TERT: variants seen among roughly 807,000 people sequenced by gnomAD.
TERT encodes telomerase reverse transcriptase.
TERT carries 42 observed loss-of-function variants against 104.0 expected under a neutral mutation model. The observed-to-expected ratio is 0.40, with a 90% CI of 0.32 to 0.52. The LOEUF (loss-of-function observed/expected upper bound fraction) is 0.52. TERT is among the 20% of genes least tolerant of loss of function. The probability of loss-of-function intolerance (pLI) is 0.43; values close to 1 mark genes in which losing one functional copy is unlikely to be tolerated. For missense variants in TERT, 1,101 were observed against 1,610.3 expected, an observed-to-expected ratio of 0.68 and a Z score of 5.41; for synonymous variants, 781 against 725.6, an observed-to-expected ratio of 1.08 and a Z score of -1.23.
chr5:1,287,508 A>ATAT lies in TERT; in HGVS notation c.1574-4885_1574-4884insATA, dbSNP rs1554041995. 7.4e-3 allele frequency among the ~76,000 whole-genome samples: 1,035 copies of ATAT among 140,668 alleles called. 8 individuals carry two copies. Among genetic ancestry groups the ATAT allele is most frequent in the Middle Eastern group, 0.018 (5 of 272 alleles). The allele number at this position is 140,668 out of a possible 152,430, so 92.3% of individuals were successfully genotyped here. A position where few individuals can be genotyped will look rare whatever the true frequency, so the allele number is the denominator to read the frequency against. Reference sequence around the variant, plus strand: ...CCAAGACTCTGTCTCAAAAAAAAAAAATATATATATATATATATAAATTAA... The same window carrying ATAT: ...CCAAGACTCTGTCTCAAAAAAAAAAATATATATATATATATATATATAAATTAA... On this transcript the variant is annotated intron_variant, in intron 2 of 15. Coordinates refer to ENST00000310581, the MANE Select transcript of TERT (RefSeq NM_198253.3). This position sits in a 1 kb window ranked among gnomAD's most constrained non-coding sequence, Gnocchi z 4.3.
Position 1,256,790 on chromosome 5 carries a change from G to A in TERT, c.3033-1379C>T, listed in dbSNP as rs1747771646. On this transcript the variant is annotated intron_variant, in intron 13 of 15. Transcript: ENST00000310581. The surrounding 1 kb of genome is among the most constrained non-coding windows in gnomAD (Gnocchi z 7.0). ...ACACGGCCACGCTCCTGACCCAGGA[G>A]GGAAACACCTAGCATGGGTGAGGGG... Among the ~76,000 whole-genome samples, 2 of 152,242 alleles carry A rather than the reference G, an allele frequency of 1.3e-5. No homozygotes were observed. Among genetic ancestry groups the A allele is most frequent in the African/African-American group, 4.8e-5 (2 of 41,472 alleles).
intron 12 of TERT, 143 bp downstream of exon 12, chr5:1,260,331 C>T: frequency 7.6e-7 from 1 of 1,316,188 alleles, no homozygotes; most frequent in Non-Finnish European, 1.1e-6. Flanking sequence ...CATGTATGTG[C>T]TCACGTGTAT....
In TERT at chr5:1,294,262, C is replaced by T. The variant is rs773987859; in HGVS notation, c.624G>A (p.Arg208=). 1 of 1,592,684 alleles carries T rather than the reference C, an allele frequency of 6.3e-7. No individual in the cohort carries two copies. Among genetic ancestry groups the T allele is most frequent in the Non-Finnish European group, 8.5e-7 (1 of 1,175,768 alleles). The part of the protein sequence containing the change: ...GCERAWNHSV[R]EAGVPLGLPA... ...GCAGGCCCAGGGGGACCCCGGCCTCCCTGACGCTATGGTTCCAGGCCCGTT... is the reference window on the plus strand; with the variant it reads ...GCAGGCCCAGGGGGACCCCGGCCTCTCTGACGCTATGGTTCCAGGCCCGTT... Residue 208 remains arginine (R), a synonymous_variant, in exon 2 of 16, where the codon AGG becomes AGA. Transcript: ENST00000310581.
In TERT at chr5:1,294,096, C is replaced by T. The variant is rs1751203712; in HGVS notation, c.790G>A (p.Gly264Arg). Residue 264 changes from glycine (G) to arginine (R), a missense_variant, in exon 2 of 16, where the codon GGA becomes AGA. Physicochemically the swap from Gly to Arg is moderately radical, Grantham distance 125. Transcript: ENST00000310581. ...ACACAGAAACCACGGTCACTCGGTC[C>T]ACGCGTCCTGCCCGGGTGGGCCCAG... ...GSWAHPGRTR[G>R]PSDRGFCVVS... 6.3e-7 allele frequency: 1 copy of T among 1,588,878 alleles called. No homozygotes were observed. Among genetic ancestry groups the T allele is most frequent in the African/African-American group, 1.3e-5 (1 of 74,296 alleles).
chr5:1,293,929 C>G lies in TERT; in HGVS notation c.957G>C (p.Thr319=), dbSNP rs1018341020. 3.9e-6 allele frequency: 6 copies of G among 1,543,570 alleles called. No individual in the cohort carries two copies. Among genetic ancestry groups the G allele is most frequent in the Non-Finnish European group, 5.2e-6 (6 of 1,147,648 alleles). The stretch of plus-strand genomic sequence containing the variant: ...TCTCGGCGTACACCGGGGGACAAGG[C>G]GTGTCCCAGGGACGTGGTGGCCGCG... The part of the protein sequence containing the change: ...STSRPPRPWD[T]PCPPVYAETK... Residue 319 remains threonine, a synonymous_variant, in exon 2 of 16, where the codon ACG becomes ACC. Transcript: ENST00000310581.
In TERT at chr5:1,294,320, T is replaced by C. The variant is rs769638625; in HGVS notation, c.566A>G (p.His189Arg). ...CAGACGCCTTCGGGGTCCACTAGCG[T>C]GTGGCGGGGGCCGGGCCTGAGTGGC... is the stretch of plus-strand genomic sequence containing the variant. ...GAATQARPPP[H>R]ASGPRRRLGC... The change falls in exon 2 of 16, where the codon CAC becomes CGC. Residue 189 changes from histidine (H) to arginine (R), a missense_variant. Physicochemically the swap from His to Arg is conservative, Grantham distance 29. Around this residue, in one of 5 missense-constraint regions of TERT, gnomAD observed 504 missense variants for 544.6 expected, o/e 0.93. Transcript: ENST00000310581. The C allele has an allele frequency of 1.9e-6, 3 of 1,589,364 alleles. No homozygotes were observed. In the African/African-American group the frequency reaches 4.0e-5, roughly 21 times the overall value.
intron 2 of TERT, 35 bp from the exon 3 acceptor site, chr5:1,282,659 C>T (rs778577289): frequency 2.2e-5 from 36 of 1,610,470 alleles, no homozygotes; most frequent in Non-Finnish European, 4.2e-6. Flanking sequence ...TCCAGATCAC[C>T]GAGGGCCTGG....
At chr5:1,272,082 C>T (rs975914820) in intron 7 of TERT, 103 bp downstream of exon 7, 12 of 997,122 alleles carry the variant, frequency 1.2e-5, no homozygotes, top group Admixed American at 6.0e-5. Flanking sequence ...CCCCCCACTG[C>T]CCCCCAGGGC....
chr5:1,271,903 G>T (rs115324619), intron 7 of TERT, among the ~76,000 whole-genome samples: 1 of 152,228 alleles, frequency 6.6e-6, no homozygotes, highest in Non-Finnish European at 1.5e-5. Context: ...ATCAAAACTG[G>T]CAGAGAAGAC....
intron 2 of TERT, among the ~76,000 whole-genome samples, chr5:1,289,157 C>A (rs1750683726): frequency 2.0e-5 from 3 of 151,034 alleles, no homozygotes; most frequent in Admixed American, 1.3e-4. Flanking sequence ...CTGAGAGGGA[C>A]ACCCGGGGGC....
In TERT at chr5:1,293,942, C is replaced by T. The variant is rs1369958224; in HGVS notation, c.944G>A (p.Arg315His). ...AGPPSTSRPP[R>H]PWDTPCPPVY... The stretch of plus-strand genomic sequence containing the variant: ...CGGGGGACAAGGCGTGTCCCAGGGA[C>T]GTGGTGGCCGCGATGTGGATGGGGG... The change falls in exon 2 of 16, where the codon CGT becomes CAT. Residue 315 changes from arginine (R) to histidine (H), a missense_variant. By Grantham distance (29) the Arg-to-His change is conservative. Transcript: ENST00000310581. The T allele has an allele frequency of 3.9e-6, 6 of 1,545,832 alleles. No individual in the cohort carries two copies. The highest frequency in any genetic ancestry group is 1.7e-4 in the Middle Eastern group (1 of 6,018).
In TERT at chr5:1,293,868, G is replaced by T. The variant is rs1561213862; in HGVS notation, c.1018C>A (p.Gln340Lys). ...HFLYSSGDKE[Q>K]LRPSFLLSSL... is the part of the protein sequence containing the mutation. ...CTGAGTAGGAAGGAGGGCCGCAGCT[G>T]CTCCTTGTCGCCTGAGGAGTAGAGG... The change falls in exon 2 of 16, where the codon CAG becomes AAG. Residue 340 changes from glutamine to lysine, a missense_variant. This residue lies in a region of TERT where 504 missense variants were observed against 544.6 expected (regional missense o/e 0.93). Transcript: ENST00000310581. 6.5e-7 allele frequency: 1 copy of T among 1,545,002 alleles called. No homozygotes were observed. Among genetic ancestry groups the T allele is most frequent in the Non-Finnish European group, 8.7e-7 (1 of 1,146,982 alleles).
In TERT at chr5:1,260,936, C is replaced by T. The variant is rs34041736; in HGVS notation, c.2844-336G>A. Among the ~76,000 whole-genome samples the T allele has an allele frequency of 0.023, 3,565 of 152,310 alleles. 72 individuals carry two copies. Among genetic ancestry groups the T allele is most frequent in the Non-Finnish European group, 0.035 (2,386 of 68,022 alleles). On this transcript the variant is annotated intron_variant, in intron 11 of 15. Transcript: ENST00000310581. Reference sequence around the variant, plus strand: ...TAATAAACTGTGGAGCCCTGGCTCCCGGGCGTCCCTCGAGTGAACACAGGT... The same window carrying T: ...TAATAAACTGTGGAGCCCTGGCTCCTGGGCGTCCCTCGAGTGAACACAGGT...
At chr5:1,289,377 C>T (rs571103101) in intron 2 of TERT, among the ~76,000 whole-genome samples, 12 of 139,722 alleles carry the variant, frequency 8.6e-5, no homozygotes, top group Admixed American at 7.7e-4. Flanking sequence ...CACCCGGGGA[C>T]GGGGCCTCAC....
intron 6 of TERT, among the ~76,000 whole-genome samples, chr5:1,275,344 A>G (rs1749478184): frequency 6.6e-6 from 1 of 151,612 alleles, no homozygotes; most frequent in African/African-American, 2.4e-5. Context: ...AAACCACTCC[A>G]GCCTGGGCAA....
chr5:1,286,892 C>G lies in TERT; in HGVS notation c.1574-4268G>C, dbSNP rs1051499071. Among the ~76,000 whole-genome samples the G allele has an allele frequency of 6.6e-6, 1 of 151,886 alleles. No individual in the cohort carries two copies. The highest frequency in any genetic ancestry group is 1.5e-5 in the Non-Finnish European group (1 of 67,972). On this transcript the variant is annotated intron_variant, in intron 2 of 15. Coordinates refer to ENST00000310581, the MANE Select transcript of TERT (RefSeq NM_198253.3). The surrounding 1 kb of genome is among the most constrained non-coding windows in gnomAD (Gnocchi z 5.3). ...GACTGTCTCAATAAACAAAAGCAAA[C>G]AACGACAATAAAAAGATCAGGGGGT...
Position 1,262,703 on chromosome 5 carries a change from C to A in TERT, c.2843+1701G>T, listed in dbSNP as rs1321955843. 6.6e-6 allele frequency among the ~76,000 whole-genome samples: 1 copy of A among 152,250 alleles called. No individual in the cohort carries two copies. Among genetic ancestry groups the A allele is most frequent in the Non-Finnish European group, 1.5e-5 (1 of 68,038 alleles). ...TCCTGCACTAGCCTCTGTGGCTTTG[C>A]AATGTGTTTAGAGAGAACCCATTTT... On this transcript the variant is annotated intron_variant, in intron 11 of 15. Transcript: ENST00000310581. The surrounding 1 kb of genome is among the most constrained non-coding windows in gnomAD (Gnocchi z 5.6).
chr5:1,284,890 C>G (rs1750370812), intron 2 of TERT, among the ~76,000 whole-genome samples: 1 of 150,520 alleles, frequency 6.6e-6, no homozygotes, highest in African/African-American at 2.5e-5. Flanking sequence ...GACCTCACTC[C>G]AGACCTGCAC....
intron 11 of TERT, among the ~76,000 whole-genome samples, chr5:1,260,805 C>T (rs891971661): frequency 7.9e-5 from 12 of 152,248 alleles, no homozygotes; most frequent in African/African-American, 2.9e-4. Context: ...CAAACTCCAC[C>T]AGGACCTGGC....
Sources: allele counts gnomAD v4.1 joint callset (sites outside exome capture counted in the v4.1 genomes callset), GRCh38; gene constraint gnomAD v4.1.1; regional missense constraint gnomAD v4.1.1; non-coding constraint Gnocchi (gnomAD v3.1); transcripts MANE v1.5; gene names NCBI Gene and HGNC (gene_info 2026-07-23, HGNC 2026-07-21).